The following FSTL4 variants were observed in gnomAD, a reference collection of about 807,000 sequenced individuals.
FSTL4 encodes follistatin like 4.
FSTL4 carries 28 observed loss-of-function variants against 78.2 expected under a neutral mutation model. The ratio of observed to expected loss-of-function variants is 0.36; its 90% CI spans 0.27 to 0.49. FSTL4 has a LOEUF of 0.49. FSTL4 is among the 20% of genes least tolerant of loss of function. FSTL4 has a pLI of 0.98. For missense variants in FSTL4, 922 were observed against 1,084.9 expected (o/e 0.85, Z 2.11); for synonymous variants, 422 against 440.5 (o/e 0.96, Z 0.53).
chr5:133,260,837 G>A (rs1752503636), intron 6 of FSTL4, among the ~76,000 whole-genome samples: 1 of 152,236 alleles, frequency 6.6e-6, no homozygotes, highest in Admixed American at 6.5e-5. Context: ...AGGGGTTCAG[G>A]AGTGGGGTTT....
At chr5:133,524,254 T>C (rs144219658) in intron 3 of FSTL4, among the ~76,000 whole-genome samples, 1,977 of 152,292 alleles carry the variant, frequency 0.013, 161 homozygotes, top group Admixed American at 0.12. Flanking sequence ...CACAAGCCCT[T>C]GGAGGCCTGG....
At chr5:133,653,743 C>T in the FSTL4 span, among the ~76,000 whole-genome samples, 2 of 152,184 alleles carry the variant, frequency 1.3e-5, no homozygotes, top group Admixed American at 6.5e-5. Flanking sequence ...GCTTAACTTG[C>T]CTGTCAGGGT....
intron 3 of FSTL4, among the ~76,000 whole-genome samples, chr5:133,512,798 C>A (rs1758762759): frequency 6.6e-6 from 1 of 151,266 alleles, no homozygotes; most frequent in Non-Finnish European, 1.5e-5. Flanking sequence ...AAAGGTGATG[C>A]CCAGAGACTG....
chr5:133,595,870 C>T (rs961811264), intron 2 of FSTL4, among the ~76,000 whole-genome samples: 1 of 152,188 alleles, frequency 6.6e-6, no homozygotes, highest in African/African-American at 2.4e-5. Context: ...GGCTAGGGAA[C>T]AAACAGATTT....
intron 4 of FSTL4, among the ~76,000 whole-genome samples, chr5:133,322,652 GAT>G (rs557843206): frequency 2.3e-3 from 343 of 152,312 alleles, no homozygotes; most frequent in Non-Finnish European, 3.9e-3. Context: ...AGGGAGCCAG[GAT>G]ATTTTTCTAC....
chr5:133,239,581 T>C (rs928613671), intron 7 of FSTL4, among the ~76,000 whole-genome samples: 1 of 152,178 alleles, frequency 6.6e-6, no homozygotes, highest in African/African-American at 2.4e-5. Flanking sequence ...ACTCTGTATC[T>C]AGTTATTCTG....
At chr5:133,765,713 G>T in the FSTL4 span, among the ~76,000 whole-genome samples, 8 of 152,340 alleles carry the variant, frequency 5.3e-5, no homozygotes, top group African/African-American at 1.9e-4. Context: ...CAAGAGACAG[G>T]CACCGGCAAA....
chr5:133,611,353 C>T lies in FSTL4; in HGVS notation c.-11+972G>A, dbSNP rs1426577971. Among the ~76,000 whole-genome samples the T allele has an allele frequency of 6.6e-6, 1 of 152,218 alleles. No homozygotes were observed. Among genetic ancestry groups the T allele is most frequent in the Non-Finnish European group, 1.5e-5 (1 of 68,020 alleles). ...GCAAGAGTTGCGGGCACAAAGTCCT[C>T]AGGTGGCAGGCCTGGGGTTGGCGCC... On this transcript the variant is annotated intron_variant, in intron 1 of 15. Coordinates refer to ENST00000265342, the MANE Select transcript of FSTL4 (RefSeq NM_015082.2). This position sits in a 1 kb window ranked among gnomAD's most constrained non-coding sequence, Gnocchi z 4.9.
At chr5:133,810,547 G>T in the FSTL4 span, among the ~76,000 whole-genome samples, 1 of 152,262 alleles carries the variant, frequency 6.6e-6, no homozygotes, top group Non-Finnish European at 1.5e-5. Flanking sequence ...ACAAGCAAAA[G>T]AAAGAGAAAG....
At chr5:133,276,869 G>A (rs1355494569) in intron 6 of FSTL4, among the ~76,000 whole-genome samples, 1 of 152,164 alleles carries the variant, frequency 6.6e-6, no homozygotes, top group African/African-American at 2.4e-5. Flanking sequence ...TCAATGAAAA[G>A]GAACAAACTC....
At chr5:133,449,214 C>T (rs1164453970) in intron 3 of FSTL4, among the ~76,000 whole-genome samples, 2 of 152,188 alleles carry the variant, frequency 1.3e-5, no homozygotes, top group African/African-American at 4.8e-5. Flanking sequence ...TCGCCCTGCA[C>T]TGCCCCTTCG....
At chr5:133,724,265 C>A in the FSTL4 span, among the ~76,000 whole-genome samples, 3 of 152,108 alleles carry the variant, frequency 2.0e-5, no homozygotes, top group Non-Finnish European at 2.9e-5. Flanking sequence ...CTACTGGGAT[C>A]CTTTTGCTTA....
chr5:133,476,246 C>G (rs549923353), intron 3 of FSTL4, among the ~76,000 whole-genome samples: 1 of 152,294 alleles, frequency 6.6e-6, no homozygotes, highest in East Asian at 1.9e-4. Flanking sequence ...AGGCAAATTC[C>G]ATTAAGCTCA....
chr5:133,639,517 C>A, the FSTL4 span, among the ~76,000 whole-genome samples: 6 of 152,166 alleles, frequency 3.9e-5, no homozygotes, highest in African/African-American at 1.4e-4. Context: ...CTGAGAAGGG[C>A]CCTTGCCCTG....
At chr5:133,833,823 T>C in the FSTL4 span, among the ~76,000 whole-genome samples, 1 of 152,224 alleles carries the variant, frequency 6.6e-6, no homozygotes, top group Admixed American at 6.5e-5. Context: ...GCTCTTTTAG[T>C]TTAGATATTC....
chr5:133,522,474 C>T (rs1309543301), intron 3 of FSTL4, among the ~76,000 whole-genome samples: 1 of 152,200 alleles, frequency 6.6e-6, no homozygotes, highest in Non-Finnish European at 1.5e-5. Flanking sequence ...TATTTTCTCT[C>T]CCTTAATTCA....
the FSTL4 span, among the ~76,000 whole-genome samples, chr5:133,733,926 C>T: frequency 3.5e-4 from 53 of 152,322 alleles, no homozygotes; most frequent in East Asian, 9.6e-4. Flanking sequence ...GTTGGCATGA[C>T]GCCTCAGTGC....
At chr5:133,340,258 C>T (rs1003580334) in intron 4 of FSTL4, among the ~76,000 whole-genome samples, 1 of 152,184 alleles carries the variant, frequency 6.6e-6, no homozygotes, top group African/African-American at 2.4e-5. Flanking sequence ...GGGAGGAGCA[C>T]CCCGGATGGC....
chr5:133,782,677 G>A, the FSTL4 span, among the ~76,000 whole-genome samples: 1 of 152,212 alleles, frequency 6.6e-6, no homozygotes. Flanking sequence ...CAAACTCTCT[G>A]TGACACTTAA....
Sources: gnomAD v4.1 joint callset for allele counts (sites outside exome capture counted in the v4.1 genomes callset) on GRCh38, gnomAD v4.1.1 for gene constraint, Gnocchi (gnomAD v3.1) non-coding constraint, MANE v1.5 for transcripts, NCBI Gene and HGNC (gene_info 2026-07-23, HGNC 2026-07-21) for gene names.